The following TAF4B variants were observed in gnomAD, a reference collection of about 807,000 sequenced individuals.
TAF4B encodes TATA-box binding protein associated factor 4b.
A neutral mutation model predicts 86.4 loss-of-function variants in TAF4B; 38 were observed. That is an observed-to-expected ratio of 0.44 (90% CI 0.34 to 0.58). TAF4B has a LOEUF of 0.58. Among genes scored for constraint, TAF4B ranks in the 20% least tolerant of loss-of-function variants. TAF4B has a pLI of 0.02. For missense variants in TAF4B, 988 were observed against 1,027.6 expected (o/e 0.96, Z 0.53); for synonymous variants, 388 against 391.2 (o/e 0.99, Z 0.10).
chr18:26,234,194 T>A (rs536124111), intron 1 of TAF4B, among the ~76,000 whole-genome samples: 1 of 152,232 alleles, frequency 6.6e-6, no homozygotes, highest in Non-Finnish European at 1.5e-5. Context: ...CAAGGGTTCC[T>A]CCATAGGTAT....
intron 12 of TAF4B, among the ~76,000 whole-genome samples, chr18:26,332,324 T>C (rs1218738001): frequency 5.9e-5 from 9 of 152,204 alleles, no homozygotes; most frequent in Non-Finnish European, 1.2e-4. Context: ...GCTTCCCTTA[T>C]CTTCTTTCCA....
At chr18:26,282,697 C>G (rs1357772088) in intron 6 of TAF4B, among the ~76,000 whole-genome samples, 1 of 152,182 alleles carries the variant, frequency 6.6e-6, no homozygotes, top group African/African-American at 2.4e-5. Flanking sequence ...TGATTCTTCC[C>G]TTCACAAAAG....
intron 14 of TAF4B, among the ~76,000 whole-genome samples, chr18:26,367,097 T>C (rs2057377098): frequency 6.6e-6 from 1 of 152,208 alleles, no homozygotes; most frequent in South Asian, 2.1e-4. Flanking sequence ...ATTCTATAAT[T>C]TGTGGGACAG....
At chr18:26,323,984 C>T (rs8084074) in intron 11 of TAF4B, among the ~76,000 whole-genome samples, 10,851 of 152,132 alleles carry the variant, frequency 0.071, 1,211 homozygotes, top group African/African-American at 0.24. Context: ...GTGTTCCTCA[C>T]TTCCTCTGCT....
At chr18:26,344,997 G>A (rs958303989) in intron 13 of TAF4B, among the ~76,000 whole-genome samples, 5 of 152,144 alleles carry the variant, frequency 3.3e-5, no homozygotes, top group Admixed American at 1.3e-4. Flanking sequence ...CACCACAAAC[G>A]CATACAGTCC....
At chr18:26,282,186 G>C in intron 6 of TAF4B, 126 bp downstream of exon 6, 2 of 748,860 alleles carry the variant, frequency 2.7e-6, no homozygotes, top group South Asian at 3.4e-5. Flanking sequence ...AGAAACCTCT[G>C]AGTGCTTTTG....
At chr18:26,330,752 A>T (rs1009618528) in intron 12 of TAF4B, among the ~76,000 whole-genome samples, 4 of 152,118 alleles carry the variant, frequency 2.6e-5, no homozygotes, top group Non-Finnish European at 5.9e-5. Context: ...TCTACCCTTA[A>T]TCTCTCCATG....
At chr18:26,361,103 C>T (rs1005773532) in intron 14 of TAF4B, among the ~76,000 whole-genome samples, 8 of 151,742 alleles carry the variant, frequency 5.3e-5, no homozygotes, top group Admixed American at 1.3e-4. Context: ...CTTATTTTTA[C>T]GTGTATAATT....
chr18:26,337,350 A>G (rs1381169795), intron 13 of TAF4B, among the ~76,000 whole-genome samples: 1 of 152,148 alleles, frequency 6.6e-6, no homozygotes, highest in East Asian at 1.9e-4. Context: ...TTCAGAATCA[A>G]ATACACAGTG....
chr18:26,250,492 A>G (rs963068584), intron 1 of TAF4B, among the ~76,000 whole-genome samples: 157 of 86,134 alleles, frequency 1.8e-3, no homozygotes, highest in South Asian at 2.6e-3. Context: ...GCGAGACTCC[A>G]TCTCAAAAAA....
chr18:26,374,323 A>G (rs1215928834), intron 14 of TAF4B, among the ~76,000 whole-genome samples: 1 of 152,158 alleles, frequency 6.6e-6, no homozygotes, highest in Non-Finnish European at 1.5e-5. Flanking sequence ...GGCTCCCAGG[A>G]AACAGTTTTT....
At chr18:26,369,580 G>A (rs907880891) in intron 14 of TAF4B, among the ~76,000 whole-genome samples, 4 of 152,194 alleles carry the variant, frequency 2.6e-5, no homozygotes, top group African/African-American at 9.6e-5. Flanking sequence ...AGAAGATCAG[G>A]GTGAGGACAA....
At chr18:26,271,783 G>GT (rs2056321833) in intron 3 of TAF4B, among the ~76,000 whole-genome samples, 1 of 151,936 alleles carries the variant, frequency 6.6e-6, no homozygotes, top group South Asian at 2.1e-4. Context: ...AATGAGCCGG[G>GT]TGGTGTGGTG....
chr18:26,263,708 T>C (rs1473458740), intron 1 of TAF4B, among the ~76,000 whole-genome samples: 1 of 148,606 alleles, frequency 6.7e-6, no homozygotes, highest in Non-Finnish European at 1.5e-5. Flanking sequence ...GCTCTTTCTC[T>C]CTTTCTCTCT....
intron 9 of TAF4B, among the ~76,000 whole-genome samples, chr18:26,308,879 C>CAAAAAAA (rs71169847): frequency 2.0e-4 from 16 of 80,324 alleles, no homozygotes; most frequent in African/African-American, 4.9e-4. Context: ...GACTCTGTCT[C>CAAAAAAA]AAAAAAAAAA....
Position 26,357,807 on chromosome 18 carries a change from T to C in TAF4B, c.2421+13T>C. ...ATCTGGAATTGAGGTATTGAAATAA[T>C]ATTCATTATTTTATTTTTAATGTCA... On this transcript the variant is annotated intron_variant, in intron 14 of 14. Coordinates refer to ENST00000269142, the MANE Select transcript of TAF4B (RefSeq NM_005640.3). 1 of 1,559,302 alleles carries C rather than the reference T, an allele frequency of 6.4e-7. No homozygotes were observed. Among genetic ancestry groups the C allele is most frequent in the South Asian group, 1.2e-5 (1 of 84,408 alleles).
intron 1 of TAF4B, among the ~76,000 whole-genome samples, chr18:26,242,710 C>G (rs951893479): frequency 6.6e-6 from 1 of 152,210 alleles, no homozygotes; most frequent in African/African-American, 2.4e-5. Flanking sequence ...CATGTTTTTG[C>G]AGTGGCTGAT....
intron 1 of TAF4B, among the ~76,000 whole-genome samples, chr18:26,263,492 C>T (rs541717228): frequency 2.1e-4 from 32 of 152,082 alleles, no homozygotes; most frequent in Non-Finnish European, 4.3e-4. Flanking sequence ...CTTTCCTTGT[C>T]CTTGGCCTCT....
intron 7 of TAF4B, among the ~76,000 whole-genome samples, chr18:26,289,579 C>T (rs547725643): frequency 9.9e-5 from 15 of 152,176 alleles, no homozygotes; most frequent in African/African-American, 2.9e-4. Flanking sequence ...CTTGACTTTC[C>T]GGGCTCAGAT....
Sources: gnomAD v4.1 joint callset for allele counts (sites outside exome capture counted in the v4.1 genomes callset) on GRCh38, gnomAD v4.1.1 for gene constraint, MANE v1.5 for transcripts, NCBI Gene and HGNC (gene_info 2026-07-23, HGNC 2026-07-21) for gene names.